The following NYAP2 variants were observed in gnomAD, a reference collection of about 807,000 sequenced individuals.
NYAP2 encodes neuronal tyrosine-phosphorylated phosphoinositide-3-kinase adaptor 2, also known as neuronal tyrosine-phosphorylated phosphoinositide-3-kinase adapter 2.
A neutral mutation model predicts 50.4 loss-of-function variants in NYAP2; 23 were observed. That is an observed-to-expected ratio of 0.46 (90% CI 0.33 to 0.65). The LOEUF (loss-of-function observed/expected upper bound fraction) is 0.65. Ranked by LOEUF, NYAP2 falls within the 30% of genes least tolerant of loss-of-function variation. The pLI is 0.02. For missense variants in NYAP2, 885 were observed against 861.0 expected, an observed-to-expected ratio of 1.03 and a Z score of -0.35; for synonymous variants, 394 against 365.2, an observed-to-expected ratio of 1.08 and a Z score of -0.90.
chr2:225,500,062 T>C (rs1189252637), intron 3 of NYAP2, among the ~76,000 whole-genome samples: 1 of 152,130 alleles, frequency 6.6e-6, no homozygotes, highest in East Asian at 1.9e-4. Context: ...AGATATTGAG[T>C]CAGCATACCA....
intron 3 of NYAP2, among the ~76,000 whole-genome samples, chr2:225,504,012 T>A (rs1690655865): frequency 6.6e-6 from 1 of 152,232 alleles, no homozygotes; most frequent in African/African-American, 2.4e-5. Flanking sequence ...GGAAACTTAT[T>A]AAAAATGGCT....
chr2:225,656,215 G>A (rs1003998908), downstream of NYAP2, among the ~76,000 whole-genome samples: 11 of 152,012 alleles, frequency 7.2e-5, no homozygotes, highest in African/African-American at 2.7e-4. Flanking sequence ...CCTACACAGA[G>A]TGCTTAGAAA....
chr2:225,589,513 T>TAA (rs1228115440), intron 5 of NYAP2, among the ~76,000 whole-genome samples: 601 of 24,214 alleles, frequency 0.025, 51 homozygotes, highest in Non-Finnish European at 0.028. Flanking sequence ...CTACTAAAAG[T>TAA]AAAATATATA....
the NYAP2 span, among the ~76,000 whole-genome samples, chr2:225,682,251 T>C: frequency 1.3e-5 from 2 of 152,158 alleles, no homozygotes; most frequent in African/African-American, 4.8e-5. Flanking sequence ...CCCACTATGG[T>C]CAAAGCATAG....
the NYAP2 span, among the ~76,000 whole-genome samples, chr2:225,659,179 G>A: frequency 6.6e-6 from 1 of 152,162 alleles, no homozygotes; most frequent in Non-Finnish European, 1.5e-5. Flanking sequence ...ATCTAACTCT[G>A]CTGTCGCTGG....
chr2:225,507,695 C>G (rs1690733071), intron 3 of NYAP2, among the ~76,000 whole-genome samples: 1 of 151,912 alleles, frequency 6.6e-6, no homozygotes, highest in African/African-American at 2.4e-5. Context: ...ATGCAAATGA[C>G]TATCCTATAA....
At position 225,598,513 on chromosome 2, in the gene NYAP2, C is replaced by G. The variant is rs144664033; in HGVS notation, c.1618+15478C>G. The stretch of plus-strand genomic sequence containing the variant: ...TCTAAGTACATTCAAGTAGAAGCAG[C>G]TCATTTTCTTTTAAAGTGATTATTT... On this transcript the variant is annotated intron_variant, in intron 5 of 6. Transcript: ENST00000636099. 4.3e-3 allele frequency among the ~76,000 whole-genome samples: 658 copies of G among 151,946 alleles called. 6 individuals are homozygous for G. Among genetic ancestry groups the G allele is most frequent in the African/African-American group, 0.015 (634 of 41,448 alleles).
chr2:225,625,846 T>C (rs1693200311), intron 5 of NYAP2, among the ~76,000 whole-genome samples: 1 of 152,110 alleles, frequency 6.6e-6, no homozygotes, highest in Non-Finnish European at 1.5e-5. Flanking sequence ...AATAGATCAT[T>C]TTGGCAGTAT....
chr2:225,637,785 G>C (rs1693448326), intron 6 of NYAP2, among the ~76,000 whole-genome samples: 1 of 152,170 alleles, frequency 6.6e-6, no homozygotes, highest in Non-Finnish European at 1.5e-5. Flanking sequence ...GTATGGCTTT[G>C]AGAAACAACC....
chr2:225,558,367 A>C, intron 4 of NYAP2, among the ~76,000 whole-genome samples: 1 of 152,134 alleles, frequency 6.6e-6, no homozygotes, highest in Middle Eastern at 3.4e-3. Context: ...TTTAGGGGAA[A>C]CCCTTTGTCC....
At chr2:225,474,184 C>G (rs1038144652) in intron 3 of NYAP2, among the ~76,000 whole-genome samples, 4 of 152,136 alleles carry the variant, frequency 2.6e-5, no homozygotes, top group Non-Finnish European at 5.9e-5. Context: ...TCTTTTGGTA[C>G]CAGTACCATG....
intron 3 of NYAP2, among the ~76,000 whole-genome samples, chr2:225,512,639 TCCTTCCTC>T (rs1273709697): frequency 5.3e-5 from 8 of 150,276 alleles, no homozygotes; most frequent in Non-Finnish European, 1.0e-4. Flanking sequence ...TCTCCTTCCT[TCCTTCCTC>T]CCTCCCTTCC....
chr2:225,510,287 T>A (rs567859384), intron 3 of NYAP2, among the ~76,000 whole-genome samples: 5 of 152,344 alleles, frequency 3.3e-5, no homozygotes, highest in African/African-American at 1.2e-4. Context: ...TCTTCCTGAT[T>A]GCTTCTAATT....
chr2:225,404,340 T>C (rs1369087184), intron 2 of NYAP2, among the ~76,000 whole-genome samples: 1 of 152,012 alleles, frequency 6.6e-6, no homozygotes, highest in Non-Finnish European at 1.5e-5. Context: ...GTTTTTTAAA[T>C]GTTTTAATGT....
At chr2:225,586,636 T>G (rs929540269) in intron 5 of NYAP2, among the ~76,000 whole-genome samples, 5 of 152,226 alleles carry the variant, frequency 3.3e-5, no homozygotes, top group Admixed American at 2.6e-4. Context: ...TTACTACCTA[T>G]CATTTTCATC....
At chr2:225,603,692 C>T (rs892945625) in intron 5 of NYAP2, among the ~76,000 whole-genome samples, 22 of 152,262 alleles carry the variant, frequency 1.4e-4, no homozygotes, top group African/African-American at 4.3e-4. Context: ...CTCACAAAGA[C>T]CTGAGCATCC....
chr2:225,593,635 C>A (rs1396807658), intron 5 of NYAP2, among the ~76,000 whole-genome samples: 1 of 152,096 alleles, frequency 6.6e-6, no homozygotes, highest in Non-Finnish European at 1.5e-5. Flanking sequence ...ATCTGATTCT[C>A]TCTATTGAAA....
intron 3 of NYAP2, among the ~76,000 whole-genome samples, chr2:225,491,149 TTTAAA>T (rs1287808965): frequency 9.9e-5 from 15 of 152,128 alleles, no homozygotes; most frequent in African/African-American, 3.6e-4. Context: ...AGAAAAAAAG[TTTAAA>T]TTAAATTCCT....
chr2:225,656,824 C>CA (rs58198259), downstream of NYAP2, among the ~76,000 whole-genome samples: 1,193 of 152,278 alleles, frequency 7.8e-3, 28 homozygotes, highest in African/African-American at 0.028. Flanking sequence ...GTGAGGCCCT[C>CA]AGTCATCATT....
Sources: gnomAD v4.1 joint callset for allele counts (sites outside exome capture counted in the v4.1 genomes callset) on GRCh38, gnomAD v4.1.1 for gene constraint, MANE v1.5 for transcripts, NCBI Gene and HGNC (gene_info 2026-07-23, HGNC 2026-07-21) for gene names.